Variants in OLA1 observed in about 807,000 individuals in gnomAD.
OLA1 encodes the protein obg-like ATPase 1.
OLA1 carries 14 observed loss-of-function variants against 48.4 expected under a neutral mutation model. That is an observed-to-expected ratio of 0.29 (90% confidence interval 0.19 to 0.45). OLA1 has a LOEUF of 0.45. Among genes scored for constraint, OLA1 ranks in the 20% least tolerant of loss-of-function variants. The probability of loss-of-function intolerance (pLI) is 1.00; values close to 1 mark genes in which losing one functional copy is unlikely to be tolerated. For synonymous variants in OLA1, 127 were observed against 150.4 expected, an observed-to-expected ratio of 0.84 and a Z score of 1.14; for missense variants, 325 against 467.1, an observed-to-expected ratio of 0.70 and a Z score of 2.80.
At chr2:174,104,454 T>C (rs534612193) in intron 7 of OLA1, among the ~76,000 whole-genome samples, 10 of 151,818 alleles carry the variant, frequency 6.6e-5, no homozygotes, top group Non-Finnish European at 1.3e-4. Flanking sequence ...TTAGAAAGAG[T>C]AGAATATTCT....
chr2:174,200,194 G>C (rs1687960647), intron 4 of OLA1, among the ~76,000 whole-genome samples: 1 of 152,086 alleles, frequency 6.6e-6, no homozygotes, highest in East Asian at 1.9e-4. Context: ...ACCTACAAAA[G>C]CACAAGGTTT....
At chr2:174,149,270 T>C (rs1686688864) in intron 4 of OLA1, among the ~76,000 whole-genome samples, 1 of 152,358 alleles carries the variant, frequency 6.6e-6, no homozygotes, top group Middle Eastern at 3.4e-3. Flanking sequence ...AGCACTGAAA[T>C]AGTAGTCTCT....
rs1171073848 is a variant in OLA1, at chr2:174,229,427, T to C, written c.126A>G (p.Leu42=). ...TTTCTGCTGAAGCCTGACTATTGGTTAACACATTGAAGAAAGTAGATTTCC... is the reference window on the plus strand; with the variant it reads ...TTTCTGCTGAAGCCTGACTATTGGTCAACACATTGAAGAAAGTAGATTTCC... ...NVGKSTFFNV[L]TNSQASAENF... The change falls in exon 3 of 11, where the codon TTA becomes TTG. Residue 42 remains leucine, a synonymous_variant. Coordinates refer to ENST00000284719, the MANE Select transcript of OLA1 (RefSeq NM_013341.5). 2.5e-6 allele frequency: 4 copies of C among 1,612,788 alleles called. No homozygotes were observed. Among genetic ancestry groups the C allele is most frequent in the East Asian group, 4.5e-5 (2 of 44,836 alleles).
chr2:174,188,760 T>C (rs941510967), intron 4 of OLA1, among the ~76,000 whole-genome samples: 4 of 152,194 alleles, frequency 2.6e-5, no homozygotes, highest in African/African-American at 7.2e-5. Flanking sequence ...CACAAAATTA[T>C]TAAAAAATAT....
rs1228274857 is a variant in OLA1 at position 174,075,198 on chromosome 2, G to C, written c.*228C>G. 4.7e-6 allele frequency: 2 copies of C among 423,464 alleles called. No individual in the cohort carries two copies. The highest frequency in any genetic ancestry group is 9.0e-5 in the East Asian group (2 of 22,134). The allele number at this position is 423,464 out of a possible 1,614,324, so 26.2% of individuals were successfully genotyped here. ...TGAAAAGCTTCTACAATTTGGAGTA[G>C]GGTCTTAATCACGTGAAAAGCAAAG... is the stretch of plus-strand genomic sequence containing the variant. On this transcript the variant is annotated 3_prime_UTR_variant, in exon 11 of 11. Coordinates refer to ENST00000284719, the MANE Select transcript of OLA1 (RefSeq NM_013341.5).
rs1315389404 is a variant in OLA1 at position 174,188,951 on chromosome 2, A to G, written c.373+34082T>C. On this transcript the variant is annotated intron_variant, in intron 4 of 10. Coordinates refer to ENST00000284719, the MANE Select transcript of OLA1 (RefSeq NM_013341.5). ...CAAGCACTTCAGATAAGAGATATTC[A>G]CCTTATATTACTATATCTTAATTAT... 2.6e-5 allele frequency among the ~76,000 whole-genome samples: 4 copies of G among 152,154 alleles called. No homozygotes were observed. The East Asian group carries it at 7.7e-4, about 29-fold the overall frequency.
intron 7 of OLA1, among the ~76,000 whole-genome samples, chr2:174,110,182 T>C (rs1436248783): frequency 1.3e-5 from 2 of 148,200 alleles, no homozygotes; most frequent in Admixed American, 1.4e-4. Flanking sequence ...CTCACTGCAA[T>C]CTCTGCCTTT....
rs570993157 is a variant in OLA1, at chr2:174,191,912, C to CA, written c.373+31120dup. 1.9e-3 allele frequency among the ~76,000 whole-genome samples: 284 copies of CA among 152,276 alleles called. 1 individual carries two copies. The highest frequency in any genetic ancestry group is 6.5e-3 in the African/African-American group (272 of 41,558). On this transcript the variant is annotated intron_variant, in intron 4 of 10. Transcript: ENST00000284719. ...TTCTCTCGATCACAGCACATATGTA[C>CA]AAACAAATGAAACTAGCCGGCAGCA...
At position 174,109,159 on chromosome 2, in the gene OLA1, T is replaced by C. The variant is rs142860692; in HGVS notation, c.728+14021A>G. On this transcript the variant is annotated intron_variant, in intron 7 of 10. Transcript: ENST00000284719. ...CAAAAAAAGTCTATTAAGTGATACA[T>C]AGTAAGAAAGTAGGTATTATTAGCT... Among the ~76,000 whole-genome samples, 636 of 152,300 alleles carry C rather than the reference T, an allele frequency of 4.2e-3. 4 individuals are homozygous for C. The highest frequency in any genetic ancestry group is 0.014 in the African/African-American group (582 of 41,564).
chr2:174,107,907 G>A (rs1685551423), intron 7 of OLA1, among the ~76,000 whole-genome samples: 1 of 152,144 alleles, frequency 6.6e-6, no homozygotes, highest in East Asian at 1.9e-4. Context: ...GGATAAAAAA[G>A]GGAGGTGTTT....
intron 4 of OLA1, among the ~76,000 whole-genome samples, chr2:174,214,658 T>C (rs1324706276): frequency 6.6e-6 from 1 of 152,184 alleles, no homozygotes; most frequent in Non-Finnish European, 1.5e-5. Flanking sequence ...ATTTTCATAT[T>C]ATCCTGTATT....
chr2:174,155,046 A>G (rs145998563), intron 4 of OLA1, among the ~76,000 whole-genome samples: 1 of 152,170 alleles, frequency 6.6e-6, no homozygotes, highest in Non-Finnish European at 1.5e-5. Context: ...CCATAGCAAT[A>G]TGCCTTCTCT....
At chr2:174,168,408 C>G (rs532072481) in intron 4 of OLA1, among the ~76,000 whole-genome samples, 5 of 151,944 alleles carry the variant, frequency 3.3e-5, no homozygotes, top group East Asian at 1.9e-4. Flanking sequence ...CAAAACAAAC[C>G]CGCTACACAT....
intron 4 of OLA1, among the ~76,000 whole-genome samples, chr2:174,200,650 C>A (rs965874805): frequency 2.0e-5 from 3 of 152,032 alleles, no homozygotes; most frequent in Non-Finnish European, 4.4e-5. Context: ...ATGTTTAAAC[C>A]CAGGAGGTTT....
At chr2:174,136,838 A>AT (rs56267825) in intron 5 of OLA1, among the ~76,000 whole-genome samples, 25,535 of 148,806 alleles carry the variant, frequency 0.17, 2,573 homozygotes, top group Non-Finnish European at 0.24. Flanking sequence ...CGCCTGGTTA[A>AT]TTTTTTTTTT....
chr2:174,123,503 T>C, intron 6 of OLA1, 92 bp downstream of exon 6: 3 of 774,770 alleles, frequency 3.9e-6, no homozygotes, highest in Non-Finnish European at 4.1e-6. Flanking sequence ...AATTTAGATA[T>C]AATGGTAAGT....
At chr2:174,191,607 A>G (rs1434087524) in intron 4 of OLA1, among the ~76,000 whole-genome samples, 1 of 152,090 alleles carries the variant, frequency 6.6e-6, no homozygotes, top group African/African-American at 2.4e-5. Context: ...GGCACCCGTC[A>G]CCATACTCAG....
intron 4 of OLA1, among the ~76,000 whole-genome samples, chr2:174,143,033 A>G (rs976800417): frequency 1.3e-5 from 2 of 152,224 alleles, no homozygotes; most frequent in Non-Finnish European, 2.9e-5. Context: ...GAAACAGTGA[A>G]CACAGCTCAT....
At chr2:174,222,464 G>C (rs1688527675) in intron 4 of OLA1, among the ~76,000 whole-genome samples, 1 of 151,834 alleles carries the variant, frequency 6.6e-6, no homozygotes, top group Admixed American at 6.6e-5. Context: ...ACTCTATTTT[G>C]TCAGAAAATT....
Sources: gnomAD v4.1 joint callset for allele counts (sites outside exome capture counted in the v4.1 genomes callset) on GRCh38, gnomAD v4.1.1 for gene constraint, MANE v1.5 for transcripts, NCBI Gene and HGNC (gene_info 2026-07-23, HGNC 2026-07-21) for gene names.